TRPM3: variants seen among roughly 807,000 people sequenced by gnomAD.
TRPM3 encodes long transient receptor potential channel 3.
Under a neutral mutation model 181.2 loss-of-function variants are expected in TRPM3, and 77 were observed. The observed-to-expected ratio is 0.42, with a 90% CI of 0.35 to 0.51. The LOEUF is 0.51. Ranked by LOEUF, TRPM3 falls within the 20% of genes least tolerant of loss-of-function variation. The pLI, the probability that TRPM3 is intolerant of heterozygous loss-of-function variation, is 0.01. For synonymous variants in TRPM3, 745 were observed against 796.4 expected (o/e 0.94, Z 1.09); for missense variants, 1,759 against 2,196.7 (o/e 0.80, Z 3.98).
intron 1 of TRPM3, among the ~76,000 whole-genome samples, chr9:71,185,516 T>C (rs1329764): frequency 0.43 from 65,758 of 151,944 alleles, 14,598 homozygotes; most frequent in East Asian, 0.52. Context: ...AGAACTATAC[T>C]GTTACTGACG....
At chr9:71,377,820 A>T (rs2092702390) in intron 1 of TRPM3, among the ~76,000 whole-genome samples, 1 of 152,012 alleles carries the variant, frequency 6.6e-6, no homozygotes, top group East Asian at 1.9e-4. Context: ...TGAACATATT[A>T]AAAAAACTCA....
chr9:70,816,906 T>G (rs1470006234), intron 6 of TRPM3, among the ~76,000 whole-genome samples: 1 of 152,212 alleles, frequency 6.6e-6, no homozygotes, highest in African/African-American at 2.4e-5. Flanking sequence ...CCACAGCTAG[T>G]GCAAGACTTA....
intron 1 of TRPM3, among the ~76,000 whole-genome samples, chr9:71,257,157 G>C (rs767642204): frequency 6.6e-6 from 1 of 152,152 alleles, no homozygotes; most frequent in Non-Finnish European, 1.5e-5. Flanking sequence ...AAGTAATGTA[G>C]CAGATGGACC....
chr9:71,206,557 T>C (rs1459927493), intron 1 of TRPM3, among the ~76,000 whole-genome samples: 1 of 152,222 alleles, frequency 6.6e-6, no homozygotes, highest in African/African-American at 2.4e-5. Context: ...CTGATGATAG[T>C]TTCTTTTGCT....
chr9:71,154,470 C>A (rs1587682406), intron 1 of TRPM3, among the ~76,000 whole-genome samples: 1 of 152,038 alleles, frequency 6.6e-6, no homozygotes, highest in Admixed American at 6.6e-5. Flanking sequence ...TTCCCTGAAC[C>A]TATTGTTATT....
intron 1 of TRPM3, among the ~76,000 whole-genome samples, chr9:71,109,327 T>C (rs2070495519): frequency 6.6e-6 from 1 of 151,892 alleles, no homozygotes; most frequent in South Asian, 2.1e-4. Context: ...TCCTGACTAA[T>C]ACAATCTACA....
chr9:70,824,234 G>A (rs35420371), intron 6 of TRPM3, among the ~76,000 whole-genome samples: 11,823 of 152,094 alleles, frequency 0.078, 711 homozygotes, highest in East Asian at 0.27. Flanking sequence ...GCTGAGGGGC[G>A]TTCATACCTC....
At chr9:71,160,006 T>C (rs751607787) in intron 1 of TRPM3, among the ~76,000 whole-genome samples, 8 of 151,992 alleles carry the variant, frequency 5.3e-5, no homozygotes, top group Non-Finnish European at 7.4e-5. Context: ...CACCTCCCTA[T>C]GGACTCACCT....
At chr9:70,671,060 G>T (rs1012704191) in intron 9 of TRPM3, among the ~76,000 whole-genome samples, 1 of 152,186 alleles carries the variant, frequency 6.6e-6, no homozygotes, top group Non-Finnish European at 1.5e-5. Flanking sequence ...ACTGTGGTAA[G>T]TAAAACAGGT....
intron 12 of TRPM3, among the ~76,000 whole-genome samples, chr9:70,627,958 C>A (rs911020354): frequency 1.3e-5 from 2 of 152,176 alleles, no homozygotes; most frequent in South Asian, 4.1e-4. Flanking sequence ...CTTCTTTATG[C>A]AAAGCATGGC....
intron 1 of TRPM3, among the ~76,000 whole-genome samples, chr9:71,138,874 G>C (rs985479218): frequency 2.0e-5 from 3 of 151,934 alleles, no homozygotes; most frequent in Non-Finnish European, 4.4e-5. Flanking sequence ...ATTTTTTTAA[G>C]GTGACTATTT....
chr9:70,877,148 T>C (rs1407623470), intron 1 of TRPM3, among the ~76,000 whole-genome samples: 5 of 151,944 alleles, frequency 3.3e-5, no homozygotes, highest in Non-Finnish European at 5.9e-5. Flanking sequence ...TCTCCCACAC[T>C]CCACAATCAT....
intron 1 of TRPM3, among the ~76,000 whole-genome samples, chr9:71,375,422 T>C (rs1411275978): frequency 1.3e-5 from 2 of 152,128 alleles, no homozygotes; most frequent in African/African-American, 4.8e-5. Context: ...GTAAAAACCC[T>C]AGAAGAAAAT....
At chr9:70,613,257 CA>C (rs920643716) in intron 18 of TRPM3, among the ~76,000 whole-genome samples, 1 of 152,140 alleles carries the variant, frequency 6.6e-6, no homozygotes, top group Non-Finnish European at 1.5e-5. Context: ...CAGAATCTAA[CA>C]GGGTCAAATA....
chr9:71,283,159 C>G (rs1565420053), intron 1 of TRPM3, among the ~76,000 whole-genome samples: 1 of 152,190 alleles, frequency 6.6e-6, no homozygotes, highest in Non-Finnish European at 1.5e-5. Flanking sequence ...ATTTTACTTT[C>G]CATTTCTATA....
At chr9:71,211,825 T>A (rs1172316984) in intron 1 of TRPM3, among the ~76,000 whole-genome samples, 1 of 152,218 alleles carries the variant, frequency 6.6e-6, no homozygotes, top group Non-Finnish European at 1.5e-5. Context: ...TCATTATATC[T>A]GCAATGATCC....
chr9:71,221,267 G>A (rs1474236733), intron 1 of TRPM3, among the ~76,000 whole-genome samples: 1 of 152,152 alleles, frequency 6.6e-6, no homozygotes, highest in Non-Finnish European at 1.5e-5. Context: ...AAAAACATTT[G>A]CAATCTGGAC....
chr9:71,418,546 G>A (rs2093672601), intron 1 of TRPM3, among the ~76,000 whole-genome samples: 2 of 151,632 alleles, frequency 1.3e-5, no homozygotes, highest in Admixed American at 1.3e-4. Context: ...TGCAGTCCTA[G>A]CAGATCCCAT....
chr9:71,092,472 GA>G (rs946884862), intron 1 of TRPM3, among the ~76,000 whole-genome samples: 6 of 152,016 alleles, frequency 3.9e-5, no homozygotes, highest in African/African-American at 1.4e-4. Flanking sequence ...ACTAAGCATA[GA>G]TTTTTTTTTA....
Sources: allele counts gnomAD v4.1 joint callset (sites outside exome capture counted in the v4.1 genomes callset), GRCh38; gene constraint gnomAD v4.1.1; transcripts MANE v1.5; gene names NCBI Gene and HGNC (gene_info 2026-07-23, HGNC 2026-07-21).